Variants in CHRM5 observed in about 807,000 individuals in gnomAD.
CHRM5 encodes cholinergic receptor muscarinic 5, also known as muscarinic acetylcholine receptor M5.
CHRM5 carries 18 observed loss-of-function variants against 39.0 expected under a neutral mutation model. The observed-to-expected ratio is 0.46, with a 90% CI of 0.32 to 0.68. The LOEUF is 0.68. Ranked by LOEUF, CHRM5 falls within the 30% of genes least tolerant of loss-of-function variation. CHRM5 has a pLI of 0.04. For synonymous variants in CHRM5, 241 were observed against 246.3 expected, an observed-to-expected ratio of 0.98 and a Z score of 0.20; for missense variants, 515 against 651.1, an observed-to-expected ratio of 0.79 and a Z score of 2.28.
chr15:34,033,204 T>G (rs1898943500), intron 1 of CHRM5, among the ~76,000 whole-genome samples: 1 of 152,170 alleles, frequency 6.6e-6, no homozygotes, highest in Non-Finnish European at 1.5e-5. Context: ...AAGTTTTACC[T>G]TTATGTTTAA....
chr15:34,013,707 G>A (rs1358118984), intron 1 of CHRM5, among the ~76,000 whole-genome samples: 1 of 152,192 alleles, frequency 6.6e-6, no homozygotes, highest in Non-Finnish European at 1.5e-5. Flanking sequence ...TTCACAAGAT[G>A]TTACGGAAGC....
chr15:34,013,073 G>GT (rs71119912), intron 1 of CHRM5, among the ~76,000 whole-genome samples: 23,268 of 151,684 alleles, frequency 0.15, 2,231 homozygotes, highest in Middle Eastern at 0.28. Context: ...TTGTTTGTTT[G>GT]TTTTTTGAGA....
At chr15:34,053,586 C>T (rs2140831892) in intron 2 of CHRM5, among the ~76,000 whole-genome samples, 1 of 151,932 alleles carries the variant, frequency 6.6e-6, no homozygotes, top group Middle Eastern at 3.4e-3. Context: ...GGAAAGGATT[C>T]CCTATTTCAT....
chr15:34,019,684 A>T (rs2632110), intron 1 of CHRM5, among the ~76,000 whole-genome samples: 138,724 of 152,246 alleles, frequency 0.91, 64,376 homozygotes, highest in Non-Finnish European at 1. Context: ...TACCATTGTG[A>T]TATAACTGTC....
chr15:34,002,532 T>G lies in CHRM5; in HGVS notation c.-408+33382T>G, dbSNP rs559837231. ...TCACGGAAAGGCTGGGTTTTTCACT[T>G]TATTGACAGAGAAGACTATCCAAAA... On this transcript the variant is annotated intron_variant, in intron 1 of 2. Coordinates refer to ENST00000383263, the MANE Select transcript of CHRM5 (RefSeq NM_012125.4). Among the ~76,000 whole-genome samples, 13 of 42,122 alleles carry G rather than the reference T, an allele frequency of 3.1e-4. No individual in the cohort carries two copies. The East Asian group carries it at 8.7e-3, about 28-fold the overall frequency. The allele number at this position is 42,122 out of a possible 152,430, so 27.6% of individuals were successfully genotyped here. A position where few individuals can be genotyped will look rare whatever the true frequency, so the allele number is the denominator to read the frequency against.
At chr15:34,022,397 G>A (rs1396503471) in intron 1 of CHRM5, among the ~76,000 whole-genome samples, 5 of 152,118 alleles carry the variant, frequency 3.3e-5, no homozygotes, top group African/African-American at 1.2e-4. Flanking sequence ...CCAACATTAG[G>A]GAGGAAAAAA....
intron 1 of CHRM5, among the ~76,000 whole-genome samples, chr15:34,010,437 A>G (rs1366824780): frequency 1.3e-5 from 2 of 152,216 alleles, no homozygotes; most frequent in African/African-American, 4.8e-5. Context: ...CTAATAACAT[A>G]TAACAACCAG....
chr15:34,024,659 T>A (rs1898366236), intron 1 of CHRM5, among the ~76,000 whole-genome samples: 1 of 149,248 alleles, frequency 6.7e-6, no homozygotes, highest in Non-Finnish European at 1.5e-5. Context: ...GAGACCAGCC[T>A]GACCAACATG....
chr15:34,025,053 C>G (rs1186552541), intron 1 of CHRM5, among the ~76,000 whole-genome samples: 1 of 150,900 alleles, frequency 6.6e-6, no homozygotes, highest in Non-Finnish European at 1.5e-5. Flanking sequence ...AGCCTGTAAT[C>G]CAGCTACTTG....
At chr15:34,011,442 T>A (rs1840053643) in intron 1 of CHRM5, among the ~76,000 whole-genome samples, 1 of 152,362 alleles carries the variant, frequency 6.6e-6, no homozygotes, top group African/African-American at 2.4e-5. Flanking sequence ...TATATGTGAA[T>A]TATCTCTTGA....
Position 34,064,625 on chromosome 15 carries a change from CAG to C in CHRM5, c.*310_*311del. ...CACTGGGTAACAATGAACAGTGACT[CAG>C]GGAACTTATGCCCCTTCTGTAGGAA... On this transcript the variant is annotated 3_prime_UTR_variant, in exon 3 of 3. Coordinates refer to ENST00000383263, the MANE Select transcript of CHRM5 (RefSeq NM_012125.4). The C allele has an allele frequency of 2.9e-6, 1 of 340,774 alleles. No homozygotes were observed. Among genetic ancestry groups the C allele is most frequent in the Non-Finnish European group, 5.6e-6 (1 of 178,674 alleles). The allele number at this position is 340,774 out of a possible 1,614,324, so 21.1% of individuals were successfully genotyped here.
At chr15:34,015,300 A>G (rs919035580) in intron 1 of CHRM5, among the ~76,000 whole-genome samples, 3 of 151,988 alleles carry the variant, frequency 2.0e-5, no homozygotes, top group African/African-American at 7.2e-5. Flanking sequence ...TGGCTAACAC[A>G]GTGAAACCCC....
chr15:33,993,025 C>T (rs930402186), intron 1 of CHRM5, among the ~76,000 whole-genome samples: 4 of 152,212 alleles, frequency 2.6e-5, no homozygotes, highest in Non-Finnish European at 5.9e-5. Flanking sequence ...ATTTTCCCCA[C>T]GTTTTCTTCA....
At chr15:34,003,325 G>T in intron 1 of CHRM5, 1 of 812,004 alleles carries the variant, frequency 1.2e-6, no homozygotes, top group Non-Finnish European at 1.9e-6. Flanking sequence ...AGACCAAGCT[G>T]TCTGAAGATA....
intron 2 of CHRM5, among the ~76,000 whole-genome samples, chr15:34,057,135 T>C (rs538462188): frequency 2.1e-5 from 1 of 48,692 alleles, no homozygotes; most frequent in African/African-American, 3.5e-5. Flanking sequence ...AGTTTTGGTT[T>C]TTTTTGGTTT....
Position 34,020,107 on chromosome 15 carries a change from C to T in CHRM5, c.-407-26433C>T, listed in dbSNP as rs368343260. ...TGGGTGGATCACAAGGTCAGGAGATCGAGACCATCTTGGCTAACATGGTGA... is the reference window on the plus strand; with the variant it reads ...TGGGTGGATCACAAGGTCAGGAGATTGAGACCATCTTGGCTAACATGGTGA... On this transcript the variant is annotated intron_variant, in intron 1 of 2. Transcript: ENST00000383263. Among the ~76,000 whole-genome samples, 14 of 152,104 alleles carry T rather than the reference C, an allele frequency of 9.2e-5. No homozygotes were observed. The East Asian group carries it at 1.9e-3, about 21-fold the overall frequency.
chr15:33,984,992 CT>C (rs1896360365), intron 1 of CHRM5, among the ~76,000 whole-genome samples: 1 of 152,096 alleles, frequency 6.6e-6, no homozygotes, highest in African/African-American at 2.4e-5. Flanking sequence ...GAAAAGCCTC[CT>C]TGACCTTGAC....
chr15:34,007,807 G>C (rs1041724646), intron 1 of CHRM5, among the ~76,000 whole-genome samples: 2 of 152,188 alleles, frequency 1.3e-5, no homozygotes, highest in African/African-American at 4.8e-5. Context: ...GCTCTTTCTG[G>C]AAGTTCTGAG....
chr15:34,015,555 T>C (rs1454542088), intron 1 of CHRM5, among the ~76,000 whole-genome samples: 1 of 152,204 alleles, frequency 6.6e-6, no homozygotes, highest in Non-Finnish European at 1.5e-5. Context: ...CTCACTGTTT[T>C]AGGATAATTT....
Sources: allele counts gnomAD v4.1 joint callset (sites outside exome capture counted in the v4.1 genomes callset), GRCh38; gene constraint gnomAD v4.1.1; transcripts MANE v1.5; gene names NCBI Gene and HGNC (gene_info 2026-07-23, HGNC 2026-07-21).